NKAIN3: variants seen among roughly 807,000 people sequenced by gnomAD.
The protein encoded by NKAIN3 is sodium/potassium transporting ATPase interacting 3, also known as sodium/potassium-transporting ATPase subunit beta-1-interacting protein 3.
NKAIN3 carries 25 observed loss-of-function variants against 30.2 expected under a neutral mutation model. That is an observed-to-expected ratio of 0.83 (90% CI 0.60 to 1.16). The LOEUF (loss-of-function observed/expected upper bound fraction) is 1.16, where lower values mean the gene tolerates loss of function less well. Among genes scored for constraint, NKAIN3 ranks in the 50% most tolerant of loss-of-function variants. The pLI, the probability that NKAIN3 is intolerant of heterozygous loss-of-function variation, is 0.00. For synonymous variants in NKAIN3, 91 were observed against 89.6 expected, an observed-to-expected ratio of 1.02 and a Z score of -0.09; for missense variants, 225 against 254.1, an observed-to-expected ratio of 0.89 and a Z score of 0.78.
intron 1 of NKAIN3, among the ~76,000 whole-genome samples, chr8:62,556,770 G>C (rs1585942454): frequency 6.6e-6 from 1 of 151,698 alleles, no homozygotes; most frequent in Non-Finnish European, 1.5e-5. Flanking sequence ...CTAAAAAGTG[G>C]CATCAAATAT....
intron 3 of NKAIN3, among the ~76,000 whole-genome samples, chr8:62,707,052 T>TACACACACAC (rs1219559233): frequency 0.04 from 4,003 of 98,972 alleles, 189 homozygotes; most frequent in African/African-American, 0.11. Flanking sequence ...CCATCATACA[T>TACACACACAC]ACATACACAC....
In NKAIN3 at chr8:62,971,499, G is replaced by A. The variant is rs58554293; in HGVS notation, c.*6092G>A. Among the ~76,000 whole-genome samples the A allele has an allele frequency of 0.096, 14,589 of 151,888 alleles. 722 individuals are homozygous for A. Among genetic ancestry groups the A allele is most frequent in the South Asian group, 0.15 (723 of 4,802 alleles). ...AAAAAATACAAAAACCAGCTGTGGC[G>A]GTGTGTGCCTATAGTCCCAGCTACT... is the stretch of plus-strand genomic sequence containing the variant. On this transcript the variant is annotated 3_prime_UTR_variant, in exon 7 of 7. Transcript: ENST00000623646.
At chr8:62,437,062 G>A (rs910454652) in intron 1 of NKAIN3, among the ~76,000 whole-genome samples, 82 of 152,200 alleles carry the variant, frequency 5.4e-4, no homozygotes, top group African/African-American at 1.9e-3. Flanking sequence ...AAATATAGAC[G>A]AATGTATTAG....
chr8:62,696,583 A>C (rs992377228), intron 3 of NKAIN3, among the ~76,000 whole-genome samples: 1 of 152,204 alleles, frequency 6.6e-6, no homozygotes. Context: ...GACAAAGGTT[A>C]CACTGTATGA....
chr8:62,333,212 C>T (rs1815414874), intron 1 of NKAIN3, among the ~76,000 whole-genome samples: 1 of 151,966 alleles, frequency 6.6e-6, no homozygotes, highest in African/African-American at 2.4e-5. Flanking sequence ...GGATATTTTC[C>T]TCAAGTACCC....
intron 1 of NKAIN3, among the ~76,000 whole-genome samples, chr8:62,290,183 T>G (rs895299119): frequency 3.3e-5 from 5 of 152,354 alleles, no homozygotes; most frequent in East Asian, 1.9e-4. Context: ...TCATGTCATC[T>G]GCAAGCAGGG....
At chr8:62,473,878 G>A (rs1163630381) in intron 1 of NKAIN3, 1 of 152,118 alleles carries the variant, frequency 6.6e-6, no homozygotes, top group Non-Finnish European at 1.5e-5. Flanking sequence ...ATTTCAGAGA[G>A]GTAAGAAATA....
At chr8:62,613,683 T>A (rs564984432) in intron 3 of NKAIN3, among the ~76,000 whole-genome samples, 43 of 152,046 alleles carry the variant, frequency 2.8e-4, no homozygotes, top group Non-Finnish European at 4.4e-4. Flanking sequence ...TTTTCTAGAT[T>A]GTTTAGGCAT....
At chr8:62,319,660 C>A (rs137953871) in intron 1 of NKAIN3, among the ~76,000 whole-genome samples, 8 of 152,058 alleles carry the variant, frequency 5.3e-5, no homozygotes, top group Non-Finnish European at 1.2e-4. Flanking sequence ...GTTTCTGAAT[C>A]CTGAGTTCTA....
chr8:62,569,369 G>A (rs972598101), intron 1 of NKAIN3, among the ~76,000 whole-genome samples: 1 of 152,106 alleles, frequency 6.6e-6, no homozygotes, highest in East Asian at 1.9e-4. Flanking sequence ...TAGAAGTTGG[G>A]CTTCATCAAC....
At chr8:62,423,970 T>C (rs1486756527) in intron 1 of NKAIN3, among the ~76,000 whole-genome samples, 1 of 152,062 alleles carries the variant, frequency 6.6e-6, no homozygotes, top group African/African-American at 2.4e-5. Context: ...GTGGTCTGTT[T>C]TTTTGTATGA....
Position 62,965,498 on chromosome 8 carries a change from C to G in NKAIN3, c.*91C>G. Reference sequence around the variant, plus strand: ...TAGACTGTGCTTCCTGGCTTTCCCACGAATCATGGAGCATTTTGGTCACAG... The same window carrying G: ...TAGACTGTGCTTCCTGGCTTTCCCAGGAATCATGGAGCATTTTGGTCACAG... On this transcript the variant is annotated 3_prime_UTR_variant, in exon 7 of 7. Coordinates refer to ENST00000623646, the MANE Select transcript of NKAIN3 (RefSeq NM_001304533.3). The G allele has an allele frequency of 1.0e-6, 1 of 985,292 alleles. No individual in the cohort carries two copies. The allele number at this position is 985,292 out of a possible 1,614,324, so 61.0% of individuals were successfully genotyped here.
At chr8:62,667,864 A>C (rs546347072) in intron 3 of NKAIN3, among the ~76,000 whole-genome samples, 57 of 151,966 alleles carry the variant, frequency 3.8e-4, no homozygotes, top group African/African-American at 1.2e-3. Context: ...TCATCCACCC[A>C]CACTTACTTT....
At chr8:62,742,392 G>A (rs994271440) in intron 3 of NKAIN3, among the ~76,000 whole-genome samples, 2 of 152,154 alleles carry the variant, frequency 1.3e-5, no homozygotes, top group Non-Finnish European at 2.9e-5. Flanking sequence ...GAGAAGGAAG[G>A]AGGGACATCA....
chr8:62,439,323 C>T (rs1228794791), intron 1 of NKAIN3, among the ~76,000 whole-genome samples: 1 of 152,086 alleles, frequency 6.6e-6, no homozygotes, highest in Non-Finnish European at 1.5e-5. Context: ...AAGAGAGGTG[C>T]CACATTTGAA....
At chr8:62,536,038 A>G (rs948402507) in intron 1 of NKAIN3, among the ~76,000 whole-genome samples, 2 of 152,158 alleles carry the variant, frequency 1.3e-5, no homozygotes, top group Admixed American at 1.3e-4. Context: ...CACATATGTC[A>G]TATATGTATA....
At chr8:62,802,386 A>T (rs1323210799) in intron 4 of NKAIN3, among the ~76,000 whole-genome samples, 1 of 152,252 alleles carries the variant, frequency 6.6e-6, no homozygotes, top group East Asian at 1.9e-4. Context: ...TGGGTTACCC[A>T]CAAAGGGAAG....
intron 3 of NKAIN3, among the ~76,000 whole-genome samples, chr8:62,631,816 C>A (rs1292719539): frequency 7.9e-5 from 12 of 152,106 alleles, no homozygotes; most frequent in Admixed American, 7.9e-4. Flanking sequence ...TCTCAGCCAC[C>A]CTACTGCCAT....
At chr8:62,674,056 G>A (rs1471516) in intron 3 of NKAIN3, among the ~76,000 whole-genome samples, 15,719 of 152,172 alleles carry the variant, frequency 0.1, 913 homozygotes, top group East Asian at 0.26. Context: ...AAAAGCTCTC[G>A]ATGTTACTTT....
Sources: gnomAD v4.1 joint callset for allele counts (sites outside exome capture counted in the v4.1 genomes callset) on GRCh38, gnomAD v4.1.1 for gene constraint, MANE v1.5 for transcripts, NCBI Gene and HGNC (gene_info 2026-07-23, HGNC 2026-07-21) for gene names.